ZNF385D: variants seen among roughly 807,000 people sequenced by gnomAD.
The protein encoded by ZNF385D is zinc finger protein 385D.
In ZNF385D, 15 loss-of-function variants were observed where a neutral mutation model predicts 35.8. That is an observed-to-expected ratio of 0.42 (90% CI 0.28 to 0.64). The LOEUF is 0.64. ZNF385D is among the 30% of genes least tolerant of loss of function. The pLI is 0.23. For missense variants in ZNF385D, 474 were observed against 494.6 expected, an observed-to-expected ratio of 0.96 and a Z score of 0.39; for synonymous variants, 212 against 186.8, an observed-to-expected ratio of 1.13 and a Z score of -1.10.
At chr3:21,759,708 C>T (rs1415533735) in intron 3 of ZNF385D, among the ~76,000 whole-genome samples, 5 of 151,932 alleles carry the variant, frequency 3.3e-5, no homozygotes, top group Admixed American at 1.3e-4. Flanking sequence ...CCTCCCAGAC[C>T]CAGAGACCCA....
intron 3 of ZNF385D, among the ~76,000 whole-genome samples, chr3:21,825,286 A>C (rs1327753805): frequency 6.6e-6 from 1 of 152,164 alleles, no homozygotes; most frequent in Non-Finnish European, 1.5e-5. Context: ...CATCTAACTC[A>C]TGTATCACTT....
chr3:22,201,501 T>A (rs997877098), intron 2 of ZNF385D, among the ~76,000 whole-genome samples: 1 of 152,072 alleles, frequency 6.6e-6, no homozygotes. Flanking sequence ...TTTAGAGAAA[T>A]ACATTTTCAT....
chr3:21,680,776 A>G (rs2066873880), intron 1 of ZNF385D, among the ~76,000 whole-genome samples: 1 of 152,148 alleles, frequency 6.6e-6, no homozygotes, highest in South Asian at 2.1e-4. Flanking sequence ...AGTCTTGCCT[A>G]TAGCTTAAGA....
intron 1 of ZNF385D, among the ~76,000 whole-genome samples, chr3:21,676,674 T>C (rs1407491778): frequency 1.3e-5 from 2 of 151,988 alleles, no homozygotes; most frequent in Admixed American, 1.3e-4. Context: ...TTATTTTCAT[T>C]TTACAGGTGA....
chr3:21,508,460 T>A (rs896141593), intron 4 of ZNF385D, among the ~76,000 whole-genome samples: 3 of 152,140 alleles, frequency 2.0e-5, no homozygotes, highest in African/African-American at 7.2e-5. Context: ...CTCTTCCTCA[T>A]TTTCTTGTTC....
rs377232788 is a variant in ZNF385D at position 21,778,695 on chromosome 3, T to G, written c.326-113667A>C. Among the ~76,000 whole-genome samples, 30 of 152,084 alleles carry G rather than the reference T, an allele frequency of 2.0e-4. No individual in the cohort carries two copies. In the South Asian group the frequency reaches 4.3e-3, roughly 22 times the overall value. On this transcript the variant is annotated intron_variant, in intron 3 of 5. Transcript: ENST00000494108. ...ACAAAAAGAGGACTATATTTAATTTTATAATTTAATTAAAATAATTTAAAA... is the reference window on the plus strand; with the variant it reads ...ACAAAAAGAGGACTATATTTAATTTGATAATTTAATTAAAATAATTTAAAA...
In ZNF385D at chr3:21,692,935, A is replaced by G. The variant is rs2067331804; in HGVS notation, c.23-27907T>C. The stretch of plus-strand genomic sequence containing the variant: ...GTCAGCTTCCTCCAATATACTGCTC[A>G]CTCCTTGAAGGTAATCACTATTTTA... On this transcript the variant is annotated intron_variant, in intron 1 of 7. Coordinates refer to ENST00000281523, the MANE Select transcript of ZNF385D (RefSeq NM_024697.3). Among the ~76,000 whole-genome samples the G allele has an allele frequency of 3.3e-5, 5 of 151,986 alleles. No individual in the cohort carries two copies. The South Asian group carries it at 1.0e-3, about 32-fold the overall frequency.
At chr3:22,127,089 TA>T (rs1345497673) in intron 3 of ZNF385D, among the ~76,000 whole-genome samples, 1 of 152,076 alleles carries the variant, frequency 6.6e-6, no homozygotes, top group African/African-American at 2.4e-5. Context: ...ATGTGTTTCT[TA>T]TAAGCAATAG....
intron 2 of ZNF385D, among the ~76,000 whole-genome samples, chr3:21,654,102 A>C (rs1475971730): frequency 6.6e-6 from 1 of 152,054 alleles, no homozygotes; most frequent in Non-Finnish European, 1.5e-5. Context: ...TCCATTTAAA[A>C]AAAAAACTTG....
At chr3:22,247,894 C>A (rs546924948) in intron 2 of ZNF385D, among the ~76,000 whole-genome samples, 1 of 152,064 alleles carries the variant, frequency 6.6e-6, no homozygotes, top group Non-Finnish European at 1.5e-5. Context: ...TGAGCCACCA[C>A]GCCCGGCCTA....
intron 3 of ZNF385D, among the ~76,000 whole-genome samples, chr3:22,080,725 G>T (rs908425952): frequency 6.6e-6 from 1 of 152,048 alleles, no homozygotes; most frequent in African/African-American, 2.4e-5. Flanking sequence ...TCCCCAAGAT[G>T]ATAGTATTAA....
At chr3:22,076,054 G>C (rs966532347) in intron 3 of ZNF385D, among the ~76,000 whole-genome samples, 7 of 151,802 alleles carry the variant, frequency 4.6e-5, no homozygotes, top group African/African-American at 1.7e-4. Context: ...ATTACCAACT[G>C]AGTCTAAACT....
chr3:21,944,761 A>G (rs1014044694), intron 3 of ZNF385D, among the ~76,000 whole-genome samples: 3 of 152,146 alleles, frequency 2.0e-5, no homozygotes, highest in Admixed American at 1.3e-4. Flanking sequence ...TTGAAAATCA[A>G]ATTAAGATTA....
chr3:21,940,647 T>C (rs1403829495), intron 3 of ZNF385D, among the ~76,000 whole-genome samples: 1 of 152,170 alleles, frequency 6.6e-6, no homozygotes, highest in Non-Finnish European at 1.5e-5. Flanking sequence ...AATCAGATTA[T>C]AAATATGTAA....
chr3:22,320,487 G>T (rs1451780680), intron 2 of ZNF385D, among the ~76,000 whole-genome samples: 1 of 151,466 alleles, frequency 6.6e-6, no homozygotes, highest in East Asian at 1.9e-4. Flanking sequence ...TCTGAAGGTG[G>T]TCACAATTTT....
chr3:21,500,788 G>A (rs1284728358), intron 4 of ZNF385D, among the ~76,000 whole-genome samples: 1 of 152,184 alleles, frequency 6.6e-6, no homozygotes, highest in Non-Finnish European at 1.5e-5. Flanking sequence ...AATTATTTTA[G>A]GCAGAGAGGA....
chr3:21,509,376 C>T lies in ZNF385D; in HGVS notation c.439+1485G>A, dbSNP rs141537018. Among the ~76,000 whole-genome samples, 277 of 152,262 alleles carry T rather than the reference C, an allele frequency of 1.8e-3. 2 individuals carry two copies. Among genetic ancestry groups the T allele is most frequent in the South Asian group, 6.2e-3 (30 of 4,820 alleles). ...GCTTTGGGGATCCCCACCTGTGACC[C>T]AATATCCGGGAGCAGAAATTACACT... On this transcript the variant is annotated intron_variant, in intron 4 of 7. Transcript: ENST00000281523.
At chr3:21,651,287 C>CAAAAAAA (rs71044931) in intron 2 of ZNF385D, among the ~76,000 whole-genome samples, 1 of 80,118 alleles carries the variant, frequency 1.2e-5, no homozygotes, top group Non-Finnish European at 2.2e-5. Flanking sequence ...GACTTCATCT[C>CAAAAAAA]AAAAAAAAAA....
At chr3:22,000,700 A>G (rs1429247567) in intron 3 of ZNF385D, among the ~76,000 whole-genome samples, 2 of 152,144 alleles carry the variant, frequency 1.3e-5, no homozygotes, top group African/African-American at 4.8e-5. Context: ...CTAATAGCAG[A>G]TTAATAGCAG....
Sources: gnomAD v4.1 joint callset for allele counts (sites outside exome capture counted in the v4.1 genomes callset) on GRCh38, gnomAD v4.1.1 for gene constraint, MANE v1.5 for transcripts, NCBI Gene and HGNC (gene_info 2026-07-23, HGNC 2026-07-21) for gene names.